Variants in SPTAN1 observed in about 807,000 individuals in gnomAD.
The protein encoded by SPTAN1 is spectrin alpha, non-erythrocytic 1, also known as spectrin alpha chain, non-erythrocytic 1.
In SPTAN1, 61 loss-of-function variants were observed where a neutral mutation model predicts 331.3. That is an observed-to-expected ratio of 0.18 (90% CI 0.15 to 0.23). SPTAN1 has a LOEUF of 0.23. Among genes scored for constraint, SPTAN1 ranks in the 10% least tolerant of loss-of-function variants. SPTAN1 has a pLI of 1.00. For missense variants in SPTAN1, 2,043 were observed against 3,147.9 expected, an observed-to-expected ratio of 0.65 and a Z score of 8.40; for synonymous variants, 1,153 against 1,173.9, an observed-to-expected ratio of 0.98 and a Z score of 0.36.
rs1371774381 is a variant in SPTAN1 at position 128,585,986 on chromosome 9, T to C, written c.2778+21T>C. 7 of 1,610,158 alleles carry C rather than the reference T, an allele frequency of 4.3e-6. No homozygotes were observed. The African/African-American group carries it at 8.0e-5, about 18-fold the overall frequency. On this transcript the variant is annotated intron_variant, in intron 19 of 56. Transcript: ENST00000372739. Reference sequence around the variant, plus strand: ...CTGAGGTAACCAGGCGTGGGAAGCGTCTCACCTGCCAGGGAAGTGGAACAG... The same window carrying C: ...CTGAGGTAACCAGGCGTGGGAAGCGCCTCACCTGCCAGGGAAGTGGAACAG...
chr9:128,571,642 G>A (rs1195126736), intron 3 of SPTAN1, among the ~76,000 whole-genome samples: 5 of 152,128 alleles, frequency 3.3e-5, no homozygotes, highest in Non-Finnish European at 7.4e-5. Context: ...AGTTTGTTGA[G>A]TAGGTATTAG....
chr9:128,604,265 T>G, intron 28 of SPTAN1, 61 bp from the exon 29 acceptor site: 1 of 1,549,466 alleles, frequency 6.5e-7, no homozygotes, highest in Non-Finnish European at 8.9e-7. Flanking sequence ...TTTCCCAAAG[T>G]CTGACTGGGG....
At chr9:128,612,713 G>A (rs1856704094) in intron 39 of SPTAN1, among the ~76,000 whole-genome samples, 1 of 152,140 alleles carries the variant, frequency 6.6e-6, no homozygotes, top group Non-Finnish European at 1.5e-5. Flanking sequence ...ATCACTTGAG[G>A]TCAGGAGTTC....
intron 3 of SPTAN1, among the ~76,000 whole-genome samples, chr9:128,570,682 G>A (rs1488951421): frequency 2.7e-5 from 4 of 150,482 alleles, no homozygotes; most frequent in African/African-American, 9.8e-5. Flanking sequence ...TTGAGATGGA[G>A]TTTTGCTCTT....
chr9:128,614,365 G>A (rs1856892274), intron 40 of SPTAN1, among the ~76,000 whole-genome samples: 1 of 152,172 alleles, frequency 6.6e-6, no homozygotes, highest in Admixed American at 6.5e-5. Flanking sequence ...GCCGAGGCGG[G>A]TGGATCGCCT....
intron 52 of SPTAN1, 42 bp downstream of exon 52, chr9:128,630,417 C>G (rs1214616626): frequency 6.2e-7 from 1 of 1,601,610 alleles, no homozygotes; most frequent in Admixed American, 1.7e-5. Flanking sequence ...GACCCTTCAC[C>G]CAGCCACCCC....
intron 19 of SPTAN1, 147 bp downstream of exon 19, chr9:128,586,112 G>GTTTTTTTTTTTTTTTTTTTTTTTTTT (rs35434571): frequency 9.7e-6 from 2 of 206,702 alleles, no homozygotes; most frequent in Non-Finnish European, 1.7e-5. Flanking sequence ...TTTTCACTTG[G>GTTTTTTTTTTTTTTTTTTTTTTTTTT]TTTTTTTTTT....
At position 128,585,797 on chromosome 9, in the gene SPTAN1, A is replaced by G. The variant is rs138101005; in HGVS notation, c.2610A>G (p.Gln870=). The change falls in exon 19 of 57, where the codon CAA becomes CAG. Residue 870 remains glutamine, a synonymous_variant. Coordinates refer to ENST00000372739, the MANE Select transcript of SPTAN1 (RefSeq NM_001130438.3). The stretch of plus-strand genomic sequence containing the variant: ...AGGCCAAGCTTCACGAGCTGAACCA[A>G]AAGTGGGAGGCACTGAAAGCCAAAG... The part of the protein sequence containing the change: ...DVKAKLHELN[Q]KWEALKAKAS... 752 of 1,614,222 alleles carry G rather than the reference A, an allele frequency of 4.7e-4. 2 individuals carry two copies. Among genetic ancestry groups the G allele is most frequent in the Non-Finnish European group, 5.7e-4 (678 of 1,180,036 alleles).
chr9:128,624,940 C>T (rs1301185656), intron 46 of SPTAN1, 163 bp from the exon 47 acceptor site: 1 of 711,792 alleles, frequency 1.4e-6, no homozygotes, highest in Non-Finnish European at 2.5e-6. Context: ...GAGGCCAGGC[C>T]TGGGTGCAGG....
intron 29 of SPTAN1, among the ~76,000 whole-genome samples, chr9:128,604,692 G>C (rs1332699941): frequency 6.6e-6 from 1 of 152,200 alleles, no homozygotes; most frequent in Non-Finnish European, 1.5e-5. Flanking sequence ...AGCACTTTGG[G>C]AGGCCAAGGC....
Position 128,584,375 on chromosome 9 carries a change from G to A in SPTAN1, c.2287G>A (p.Val763Met), listed in dbSNP as rs372062686. ...ENIKKKQEAL[V>M]ARYEALKEPM... ...CATCAAGAAGAAACAGGAAGCCCTCGTGGCTCGCTATGAGGCACTCAAGGA... is the reference window on the plus strand; with the variant it reads ...CATCAAGAAGAAACAGGAAGCCCTCATGGCTCGCTATGAGGCACTCAAGGA... The change falls in exon 17 of 57, where the codon GTG (valine) becomes ATG (methionine). Residue 763 changes from valine to methionine, a missense_variant. By Grantham distance (21) the Val-to-Met change is conservative. Coordinates refer to ENST00000372739, the MANE Select transcript of SPTAN1 (RefSeq NM_001130438.3). The A allele has an allele frequency of 9.3e-6, 15 of 1,614,146 alleles. No individual in the cohort carries two copies. In the Admixed American group the frequency reaches 1.3e-4, roughly 14 times the overall value.
At position 128,608,177 on chromosome 9, in the gene SPTAN1, G is replaced by T. The variant is rs777110211; in HGVS notation, c.4392G>T (p.Arg1464=). The T allele has an allele frequency of 6.2e-7, 1 of 1,614,116 alleles. No individual in the cohort carries two copies. Among genetic ancestry groups the T allele is most frequent in the Non-Finnish European group, 8.5e-7 (1 of 1,180,030 alleles). ...CEQAENWMAA[R]EAFLNTEDKG... ...AAGCTGAGAACTGGATGGCTGCCCG[G>T]GAGGCCTTCTTGAATACCGAAGACA... Residue 1464 remains arginine, a synonymous_variant, in exon 34 of 57, where the codon CGG becomes CGT. Transcript: ENST00000372739.
chr9:128,571,682 C>T (rs947693757), intron 3 of SPTAN1, among the ~76,000 whole-genome samples: 1 of 152,158 alleles, frequency 6.6e-6, no homozygotes, highest in African/African-American at 2.4e-5. Flanking sequence ...ACTTTGCTAA[C>T]CTCTGATCTT....
Position 128,625,578 on chromosome 9 carries a change from G to A in SPTAN1, c.6070-191G>A, listed in dbSNP as rs979498651. Among the ~76,000 whole-genome samples the A allele has an allele frequency of 4.6e-5, 7 of 152,198 alleles. No homozygotes were observed. Among genetic ancestry groups the A allele is most frequent in the African/African-American group, 1.4e-4 (6 of 41,438 alleles). ...GAAGGCTGGGGTCAGGGAGGTGGGA[G>A]GAGGCTGCCGCAGTGATCTGCGGTC... On this transcript the variant is annotated intron_variant, in intron 47 of 56. Transcript: ENST00000372739. The surrounding 1 kb of genome is among the most constrained non-coding windows in gnomAD (Gnocchi z 4.1).
At chr9:128,606,148 GAT>G (rs1234262826) in intron 31 of SPTAN1, among the ~76,000 whole-genome samples, 2 of 151,750 alleles carry the variant, frequency 1.3e-5, no homozygotes, top group African/African-American at 4.8e-5. Context: ...AAAGCAGGTG[GAT>G]CACGAGGTCA....
intron 40 of SPTAN1, among the ~76,000 whole-genome samples, chr9:128,614,804 C>G (rs1404521859): frequency 1.3e-5 from 2 of 152,194 alleles, no homozygotes; most frequent in South Asian, 4.2e-4. Context: ...AAAGTGGCCC[C>G]TGAAACCTTG....
intron 2 of SPTAN1, among the ~76,000 whole-genome samples, chr9:128,567,506 G>A (rs1308980439): frequency 1.6e-4 from 24 of 151,988 alleles, no homozygotes; most frequent in Non-Finnish European, 1.5e-5. Flanking sequence ...TGGCCAGGCT[G>A]GTCTTGAACT....
chr9:128,582,744 C>A lies in SPTAN1; in HGVS notation c.1701C>A (p.Ala567=). 1 of 1,614,054 alleles carries A rather than the reference C, an allele frequency of 6.2e-7. No individual in the cohort carries two copies. The highest frequency in any genetic ancestry group is 1.1e-5 in the South Asian group (1 of 91,086). The change falls in exon 14 of 57, where the codon GCC becomes GCA. Residue 567 remains alanine (A), a synonymous_variant. Transcript: ENST00000372739. The part of the protein sequence containing the change: ...ALHERAMRRR[A]QLADSFHLQQ... ...ACGAGAGAGCCATGCGTCGCCGGGC[C>A]CAGCTAGCCGATTCTTTCCATCTGC...
At chr9:128,611,663 G>A in intron 37 of SPTAN1, 51 bp from the exon 38 acceptor site, 6 of 1,608,918 alleles carry the variant, frequency 3.7e-6, no homozygotes, top group Non-Finnish European at 4.2e-6. Flanking sequence ...CCCCTGAAAA[G>A]ACATAACCTA....
Sources: allele counts gnomAD v4.1 joint callset (sites outside exome capture counted in the v4.1 genomes callset), GRCh38; gene constraint gnomAD v4.1.1; non-coding constraint Gnocchi (gnomAD v3.1); transcripts MANE v1.5; gene names NCBI Gene and HGNC (gene_info 2026-07-23, HGNC 2026-07-21).